The following CSMD3 variants were observed in gnomAD, a reference collection of about 807,000 sequenced individuals.
The protein encoded by CSMD3 is CUB and sushi domain-containing protein 3.
A neutral mutation model predicts 435.2 loss-of-function variants in CSMD3; 177 were observed. That is an observed-to-expected ratio of 0.41 (90% confidence interval 0.36 to 0.46). CSMD3 has a LOEUF of 0.46. CSMD3 is among the 20% of genes least tolerant of loss of function. The probability of loss-of-function intolerance (pLI) is 0.34; values close to 1 mark genes in which losing one functional copy is unlikely to be tolerated. For missense variants in CSMD3, 4,265 were observed against 4,504.6 expected (o/e 0.95, Z 1.52); for synonymous variants, 1,656 against 1,520.5 (o/e 1.09, Z -2.07).
chr8:112,613,881 G>T (rs778848138), intron 22 of CSMD3, among the ~76,000 whole-genome samples: 6 of 152,162 alleles, frequency 3.9e-5, no homozygotes, highest in Non-Finnish European at 8.8e-5. Flanking sequence ...CCAGCACTTT[G>T]GGAGTCCAAG....
intron 3 of CSMD3, among the ~76,000 whole-genome samples, chr8:113,276,673 C>G (rs1229085631): frequency 6.6e-6 from 1 of 151,916 alleles, no homozygotes; most frequent in African/African-American, 2.4e-5. Flanking sequence ...GCAAAGAACA[C>G]CAGGACTTTT....
At chr8:112,390,828 T>C in intron 35 of CSMD3, 40 bp from the exon 36 acceptor site, 1 of 1,591,106 alleles carries the variant, frequency 6.3e-7, no homozygotes, top group Non-Finnish European at 8.6e-7. Flanking sequence ...TTAATTCTAA[T>C]GCAAAGGATT....
At chr8:112,361,578 T>C (rs1250818858) in intron 38 of CSMD3, among the ~76,000 whole-genome samples, 2,145 of 15,832 alleles carry the variant, frequency 0.14, 103 homozygotes, top group African/African-American at 0.18. Context: ...CATACATATA[T>C]ATATATATAT....
intron 4 of CSMD3, among the ~76,000 whole-genome samples, chr8:113,115,114 T>C (rs765397640): frequency 1.6e-4 from 24 of 152,284 alleles, no homozygotes; most frequent in Non-Finnish European, 3.2e-4. Context: ...TGCTAACCTT[T>C]GAGATACACT....
chr8:112,232,037 G>T (rs1813136586), intron 68 of CSMD3, among the ~76,000 whole-genome samples: 1 of 152,058 alleles, frequency 6.6e-6, no homozygotes, highest in African/African-American at 2.4e-5. Flanking sequence ...ATTTAGTTGG[G>T]CTTGGTCCTG....
At chr8:113,394,193 A>ACAC (rs1344486807) in intron 1 of CSMD3, among the ~76,000 whole-genome samples, 3 of 121,740 alleles carry the variant, frequency 2.5e-5, no homozygotes. Flanking sequence ...CACACACACA[A>ACAC]GGGGTTTAAT....
chr8:112,642,127 G>A (rs914064550), intron 20 of CSMD3, among the ~76,000 whole-genome samples: 3 of 152,054 alleles, frequency 2.0e-5, no homozygotes, highest in African/African-American at 4.8e-5. Flanking sequence ...TCAAAATAGC[G>A]TTAATATCTA....
At chr8:112,741,802 T>TAGATAGATAGATAGAA (rs1424598447) in intron 13 of CSMD3, among the ~76,000 whole-genome samples, 1 of 151,080 alleles carries the variant, frequency 6.6e-6, no homozygotes, top group East Asian at 1.9e-4. Context: ...AGAAGATAGA[T>TAGATAGATAGATAGAA]AGATAGATAG....
chr8:112,786,724 ACT>A (rs1270190465), intron 13 of CSMD3, among the ~76,000 whole-genome samples: 1 of 152,024 alleles, frequency 6.6e-6, no homozygotes, highest in African/African-American at 2.4e-5. Flanking sequence ...ATATCATGTC[ACT>A]CTGATAAAAA....
intron 11 of CSMD3, among the ~76,000 whole-genome samples, chr8:112,854,600 C>A (rs548195952): frequency 2.0e-5 from 3 of 152,106 alleles, no homozygotes; most frequent in Non-Finnish European, 2.9e-5. Flanking sequence ...TGCAAGTTAC[C>A]TAATTAGAAT....
intron 9 of CSMD3, among the ~76,000 whole-genome samples, chr8:112,943,384 T>TAA (rs2083510873): frequency 6.6e-6 from 1 of 151,552 alleles, no homozygotes; most frequent in Non-Finnish European, 1.5e-5. Flanking sequence ...TTTTATGAAA[T>TAA]AACTGAACTT....
chr8:113,195,025 C>T (rs935205275), intron 3 of CSMD3, among the ~76,000 whole-genome samples: 3 of 151,240 alleles, frequency 2.0e-5, no homozygotes, highest in African/African-American at 7.3e-5. Flanking sequence ...CTAGTCCCCA[C>T]ACTCAATTAC....
intron 1 of CSMD3, among the ~76,000 whole-genome samples, chr8:113,406,983 CAT>C (rs1427256704): frequency 6.6e-6 from 1 of 152,062 alleles, no homozygotes; most frequent in African/African-American, 2.4e-5. Flanking sequence ...TGGCATTAAA[CAT>C]ATTTAGCAAA....
intron 3 of CSMD3, among the ~76,000 whole-genome samples, chr8:113,262,046 A>G (rs6996697): frequency 0.1 from 15,835 of 152,092 alleles, 962 homozygotes; most frequent in Middle Eastern, 0.17. Context: ...CCCTGTTAGC[A>G]TATTTGTGAT....
intron 32 of CSMD3, among the ~76,000 whole-genome samples, chr8:112,456,684 C>A (rs1816871408): frequency 6.6e-6 from 1 of 151,922 alleles, no homozygotes; most frequent in Non-Finnish European, 1.5e-5. Flanking sequence ...ATAATTATCT[C>A]TTTTTTATAG....
chr8:113,118,550 A>C (rs923428994), intron 4 of CSMD3, among the ~76,000 whole-genome samples: 18 of 152,062 alleles, frequency 1.2e-4, no homozygotes, highest in Non-Finnish European at 2.1e-4. Context: ...TAATCCCAAA[A>C]CTTTGGGAGG....
chr8:112,532,785 C>T (rs1825663542), intron 27 of CSMD3, among the ~76,000 whole-genome samples: 1 of 152,034 alleles, frequency 6.6e-6, no homozygotes, highest in Non-Finnish European at 1.5e-5. Flanking sequence ...ATTAAGTTCA[C>T]AGACAAATTC....
At chr8:113,430,421 A>T (rs772705645) in intron 1 of CSMD3, among the ~76,000 whole-genome samples, 1 of 151,994 alleles carries the variant, frequency 6.6e-6, no homozygotes, top group Non-Finnish European at 1.5e-5. Context: ...TTGAATTGCT[A>T]GTCCAAAGAT....
chr8:113,231,918 A>G (rs2093092449), intron 3 of CSMD3, among the ~76,000 whole-genome samples: 1 of 151,564 alleles, frequency 6.6e-6, no homozygotes, highest in Non-Finnish European at 1.5e-5. Flanking sequence ...TATGCATTTT[A>G]AGAGTCATTA....
Sources: gnomAD v4.1 joint callset for allele counts (sites outside exome capture counted in the v4.1 genomes callset) on GRCh38, gnomAD v4.1.1 for gene constraint, MANE v1.5 for transcripts, NCBI Gene and HGNC (gene_info 2026-07-23, HGNC 2026-07-21) for gene names.